NHSL2: variants seen among roughly 807,000 people sequenced by gnomAD.
NHSL2 encodes the protein NHS like 2.
NHSL2 carries 27 observed loss-of-function variants against 53.4 expected under a neutral mutation model. The observed-to-expected ratio is 0.51, with a 90% CI of 0.37 to 0.70. The LOEUF (loss-of-function observed/expected upper bound fraction) is 0.70. Ranked by LOEUF, NHSL2 falls within the 30% of genes least tolerant of loss-of-function variation. NHSL2 has a pLI of 0.00. For synonymous variants in NHSL2, 408 were observed against 404.1 expected (o/e 1.01, Z -0.12); for missense variants, 892 against 980.1 (o/e 0.91, Z 1.20).
At chrX:72,008,606 A>C (rs2042103671) in intron 1 of NHSL2, among the ~76,000 whole-genome samples, 1 of 112,296 alleles carries the variant, frequency 8.9e-6, no homozygotes, top group Non-Finnish European at 1.9e-5. Flanking sequence ...CACATGTGAT[A>C]GGGTATTAGG....
Position 72,139,146 on chromosome X carries a change from G to A in NHSL2, c.1598G>A (p.Gly533Asp). 3.4e-6 allele frequency: 4 copies of A among 1,173,099 alleles called. No homozygotes were observed. The highest frequency in any genetic ancestry group is 4.6e-6 in the Non-Finnish European group (4 of 875,511). ...CCTTTTGCCAGTACGAGCTCTGAGGGCAGTAACAGTGCTGACAACATTGCC... is the reference window on the plus strand; with the variant it reads ...CCTTTTGCCAGTACGAGCTCTGAGGACAGTAACAGTGCTGACAACATTGCC... ...ALPFASTSSE[G>D]SNSADNIASL... is the part of the protein sequence containing the mutation. The change falls in exon 6 of 8, where the codon GGC becomes GAC. Residue 533 changes from glycine (G) to aspartate (D), a missense_variant. Gly to Asp is a moderately conservative substitution (Grantham distance 94). Coordinates refer to ENST00000633930, the MANE Select transcript of NHSL2 (RefSeq NM_001013627.3).
At chrX:72,039,077 C>CTTTCCTTTCCTT (rs1220366489) in intron 1 of NHSL2, among the ~76,000 whole-genome samples, 2 of 39,020 alleles carry the variant, frequency 5.1e-5, no homozygotes, top group Non-Finnish European at 8.1e-5. Context: ...TTTTCCTTTC[C>CTTTCCTTTCCTT]TTTCCTTTCC....
At position 72,143,648 on chromosome X, in the gene NHSL2, A is replaced by G. The variant is rs2042438068; in HGVS notation, c.*74A>G. 1.5e-6 allele frequency: 1 copy of G among 660,825 alleles called. No homozygotes were observed. The highest frequency in any genetic ancestry group is 2.2e-5 in the African/African-American group (1 of 44,837). The allele number at this position is 660,825 out of a possible 1,213,427, so 54.5% of individuals were successfully genotyped here. A position where few individuals can be genotyped will look rare whatever the true frequency, so the allele number is the denominator to read the frequency against. The stretch of plus-strand genomic sequence containing the variant: ...GGGGGAAGAGAAAGGGTCTTTAAAC[A>G]GAACCATGGGAACAACAGAGCCTAC... On this transcript the variant is annotated 3_prime_UTR_variant, in exon 8 of 8. Coordinates refer to ENST00000633930, the MANE Select transcript of NHSL2 (RefSeq NM_001013627.3).
In NHSL2 at chrX:72,129,570, C is replaced by G. The variant is rs560117489; in HGVS notation, c.281-2509C>G. 4.9e-5 allele frequency: 17 copies of G among 345,207 alleles called. No homozygotes were observed. In the South Asian group the frequency reaches 1.3e-3, roughly 26 times the overall value. 28.4% of individuals were successfully genotyped at this position (345,207 alleles called of 1,213,427 possible). A position where few individuals can be genotyped will look rare whatever the true frequency, so the allele number is the denominator to read the frequency against. ...ACAGGCCCAGAAACTTGCTCTCCAG[C>G]TCGTGGCCGGACTGAGCAGAGTACA... On this transcript the variant is annotated intron_variant, in intron 1 of 7. Transcript: ENST00000633930.
chrX:72,106,609 T>C (rs1433609174), intron 1 of NHSL2, among the ~76,000 whole-genome samples: 7 of 111,526 alleles, frequency 6.3e-5, no homozygotes, highest in African/African-American at 2.3e-4. Flanking sequence ...GCCATCCCAT[T>C]ACTGGGTATA....
intron 1 of NHSL2, among the ~76,000 whole-genome samples, chrX:72,084,086 C>T (rs2041814716): frequency 8.9e-6 from 1 of 112,482 alleles, no homozygotes; most frequent in South Asian, 3.6e-4. Flanking sequence ...AGGTTAAGTT[C>T]AGCTTAGCAC....
At chrX:72,119,470 C>T (rs1290548929) in intron 1 of NHSL2, among the ~76,000 whole-genome samples, 1 of 112,224 alleles carries the variant, frequency 8.9e-6, no homozygotes, top group East Asian at 2.8e-4. Flanking sequence ...ACAAGTTTCA[C>T]GCCATGTTTG....
At chrX:71,919,709 T>C (rs2041647373) in intron 1 of NHSL2, among the ~76,000 whole-genome samples, 1 of 111,125 alleles carries the variant, frequency 9.0e-6, no homozygotes, top group Non-Finnish European at 1.9e-5. Context: ...AAAACATTCT[T>C]TGGAACTGAA....
At chrX:72,130,894 T>A in intron 1 of NHSL2, 1 of 1,211,489 alleles carries the variant, frequency 8.3e-7, no homozygotes. Context: ...GCGCGGGAAG[T>A]TGGCATGCAA....
chrX:72,104,958 G>T (rs1157387585), intron 1 of NHSL2, among the ~76,000 whole-genome samples: 1 of 112,195 alleles, frequency 8.9e-6, no homozygotes, highest in African/African-American at 3.2e-5. Context: ...CAAAAGGTTT[G>T]TTGGGAACTG....
chrX:72,130,034 G>A (rs760468437), intron 1 of NHSL2: 14 of 1,211,335 alleles, frequency 1.2e-5, no homozygotes, highest in Non-Finnish European at 1.6e-5. Flanking sequence ...CGTCTGCTAG[G>A]CTGTATTATG....
chrX:71,993,558 G>C (rs1218119395), intron 1 of NHSL2, among the ~76,000 whole-genome samples: 2 of 111,734 alleles, frequency 1.8e-5, no homozygotes, highest in African/African-American at 3.3e-5. Context: ...TCCTGTAGGT[G>C]GTGGGCATTT....
intron 1 of NHSL2, among the ~76,000 whole-genome samples, chrX:71,922,549 G>T (rs908777356): frequency 1.8e-5 from 2 of 111,998 alleles, no homozygotes; most frequent in South Asian, 7.5e-4. Context: ...AGGTGGCACG[G>T]GCCTGTAGTC....
At chrX:72,020,486 GC>G (rs2042154868) in intron 1 of NHSL2, among the ~76,000 whole-genome samples, 1 of 112,820 alleles carries the variant, frequency 8.9e-6, no homozygotes, top group African/African-American at 3.2e-5. Flanking sequence ...GGCTCTGGAC[GC>G]AAACCACTAT....
intron 1 of NHSL2, among the ~76,000 whole-genome samples, chrX:71,994,826 C>G (rs774160380): frequency 9.0e-6 from 1 of 111,706 alleles, no homozygotes; most frequent in East Asian, 2.8e-4. Flanking sequence ...GCTGTGTCCC[C>G]AGTGCCTGGA....
rs55912050 is a variant in NHSL2 at position 72,144,704 on chromosome X, G to GCACACA, written c.*1167_*1172dup. ...CTTGCCAGTTGCTATGGCCCATAAT[G>GCACACA]CACACACACACACACACACACACAC... On this transcript the variant is annotated 3_prime_UTR_variant, in exon 8 of 8. Coordinates refer to ENST00000633930, the MANE Select transcript of NHSL2 (RefSeq NM_001013627.3). 307 of 159,144 alleles carry GCACACA rather than the reference G, an allele frequency of 1.9e-3. 2 individuals carry two copies. Among genetic ancestry groups the GCACACA allele is most frequent in the African/African-American group, 0.01 (283 of 27,462 alleles). 13.1% of individuals were successfully genotyped at this position (159,144 alleles called of 1,213,427 possible).
chrX:71,926,455 G>A (rs1008093539), intron 1 of NHSL2, among the ~76,000 whole-genome samples: 1 of 110,692 alleles, frequency 9.0e-6, no homozygotes, highest in Admixed American at 9.6e-5. Flanking sequence ...AACCTTAACT[G>A]TATTTTAGAA....
At chrX:72,049,045 A>AAGAG (rs1569475312) in intron 1 of NHSL2, among the ~76,000 whole-genome samples, 21 of 32,864 alleles carry the variant, frequency 6.4e-4, no homozygotes, top group Non-Finnish European at 1.7e-3. Context: ...AAGAGGAAGA[A>AAGAG]GAAGAAGAAG....
chrX:72,104,681 A>T (rs2042023961), intron 1 of NHSL2, among the ~76,000 whole-genome samples: 1 of 111,671 alleles, frequency 9.0e-6, no homozygotes, highest in Admixed American at 9.5e-5. Flanking sequence ...GAGAGGTTCT[A>T]TTTTAAGTAT....
Sources: gnomAD v4.1 joint callset for allele counts (sites outside exome capture counted in the v4.1 genomes callset) on GRCh38, gnomAD v4.1.1 for gene constraint, MANE v1.5 for transcripts, NCBI Gene and HGNC (gene_info 2026-07-23, HGNC 2026-07-21) for gene names.